Variants in FGD4 observed in about 807,000 individuals in gnomAD.
FGD4 encodes FYVE, RhoGEF and PH domain-containing protein 4.
FGD4 carries 42 observed loss-of-function variants against 102.0 expected under a neutral mutation model. The observed-to-expected ratio is 0.41, with a 90% CI of 0.32 to 0.53. The LOEUF (loss-of-function observed/expected upper bound fraction) is 0.53, where lower values mean the gene tolerates loss of function less well. Ranked by LOEUF, FGD4 falls within the 20% of genes least tolerant of loss-of-function variation. FGD4 has a pLI of 0.21. For synonymous variants in FGD4, 380 were observed against 375.7 expected (o/e 1.01, Z -0.13); for missense variants, 902 against 1,078.2 (o/e 0.84, Z 2.29).
chr12:32,523,959 C>T (rs1940830119), intron 1 of FGD4, among the ~76,000 whole-genome samples: 1 of 152,062 alleles, frequency 6.6e-6, no homozygotes, highest in African/African-American at 2.4e-5. Flanking sequence ...GCCTGGGCGA[C>T]AGAGCAAGAC....
intron 14 of FGD4, among the ~76,000 whole-genome samples, chr12:32,633,253 A>T (rs1324693538): frequency 6.6e-6 from 1 of 152,022 alleles, no homozygotes; most frequent in African/African-American, 2.4e-5. Context: ...GAGACCAGGG[A>T]AGTTCGTGAG....
At chr12:32,618,086 T>C (rs1387135293) in intron 10 of FGD4, among the ~76,000 whole-genome samples, 2 of 152,224 alleles carry the variant, frequency 1.3e-5, no homozygotes, top group East Asian at 3.8e-4. Flanking sequence ...CATGTGAGCG[T>C]AACTACAAAT....
intron 1 of FGD4, among the ~76,000 whole-genome samples, chr12:32,493,367 G>A (rs1437593196): frequency 1.3e-5 from 2 of 152,146 alleles, no homozygotes; most frequent in Non-Finnish European, 1.5e-5. Context: ...AGGCTGTCAC[G>A]CCACTTTCCT....
chr12:32,465,676 A>AAG (rs1371669606), intron 1 of FGD4, among the ~76,000 whole-genome samples: 1 of 152,160 alleles, frequency 6.6e-6, no homozygotes, highest in East Asian at 1.9e-4. Context: ...TAAAAAAAAA[A>AAG]AAAATCAAAG....
intron 1 of FGD4, among the ~76,000 whole-genome samples, chr12:32,469,213 C>T (rs1471412202): frequency 6.6e-6 from 1 of 152,112 alleles, no homozygotes; most frequent in Non-Finnish European, 1.5e-5. Context: ...ATTTATTCAA[C>T]TTGTTTTTTT....
intron 1 of FGD4, among the ~76,000 whole-genome samples, chr12:32,483,132 G>C (rs1223271819): frequency 6.6e-6 from 1 of 152,202 alleles, no homozygotes; most frequent in Non-Finnish European, 1.5e-5. Flanking sequence ...TTGTGTGTGT[G>C]TGTGGGTAGA....
chr12:32,587,635 C>T (rs982050979), intron 4 of FGD4, among the ~76,000 whole-genome samples: 3 of 152,120 alleles, frequency 2.0e-5, no homozygotes, highest in Admixed American at 1.3e-4. Context: ...AAGTGATCCA[C>T]CCGCCTCAGC....
chr12:32,500,257 C>T (rs1027409119), intron 1 of FGD4, among the ~76,000 whole-genome samples: 4 of 151,956 alleles, frequency 2.6e-5, no homozygotes, highest in Non-Finnish European at 4.4e-5. Context: ...CTTCATAGGC[C>T]CTGTGAGGTT....
At chr12:32,594,018 G>A (rs971748420) in intron 4 of FGD4, among the ~76,000 whole-genome samples, 3 of 152,092 alleles carry the variant, frequency 2.0e-5, no homozygotes, top group Non-Finnish European at 4.4e-5. Flanking sequence ...GCATAGAGGG[G>A]GTTGATTACA....
chr12:32,624,382 T>TCACCC, intron 11 of FGD4, 40 bp from the exon 12 acceptor site: 1 of 1,457,414 alleles, frequency 6.9e-7, no homozygotes, highest in Admixed American at 1.7e-5. Flanking sequence ...TGTGAATCAT[T>TCACCC]AATATTATTT....
intron 1 of FGD4, among the ~76,000 whole-genome samples, chr12:32,528,698 A>G (rs1941504898): frequency 6.6e-6 from 1 of 152,180 alleles, no homozygotes; most frequent in South Asian, 2.1e-4. Flanking sequence ...CCCTTCTCTT[A>G]TACTTTAAAT....
chr12:32,513,804 A>G (rs1405536436), intron 1 of FGD4, among the ~76,000 whole-genome samples: 1 of 152,228 alleles, frequency 6.6e-6, no homozygotes, highest in Non-Finnish European at 1.5e-5. Context: ...TGAGGGAAGC[A>G]GACTTGGATC....
intron 11 of FGD4, among the ~76,000 whole-genome samples, chr12:32,620,194 A>T (rs12300666): frequency 0.15 from 22,810 of 152,116 alleles, 1,937 homozygotes; most frequent in Middle Eastern, 0.26. Context: ...TCCTAATCCT[A>T]TGTTCACTCC....
chr12:32,612,790 T>TAC (rs1949227776), intron 10 of FGD4, among the ~76,000 whole-genome samples: 1 of 152,148 alleles, frequency 6.6e-6, no homozygotes, highest in Non-Finnish European at 1.5e-5. Flanking sequence ...ATGGGAAAAG[T>TAC]ACATGAGTTC....
intron 1 of FGD4, among the ~76,000 whole-genome samples, chr12:32,508,108 GTA>G (rs1938973561): frequency 6.6e-6 from 1 of 152,174 alleles, no homozygotes; most frequent in South Asian, 2.1e-4. Flanking sequence ...GGGATGAAGG[GTA>G]CAGAGGGGAG....
In FGD4 at chr12:32,572,877, G is replaced by A. The variant is rs144889762; in HGVS notation, c.320-3389G>A. Among the ~76,000 whole-genome samples the A allele has an allele frequency of 1.1e-4, 17 of 152,254 alleles. No homozygotes were observed. In the East Asian group the frequency reaches 3.1e-3, roughly 28 times the overall value. On this transcript the variant is annotated intron_variant, in intron 2 of 16. Coordinates refer to ENST00000534526, the MANE Select transcript of FGD4 (RefSeq NM_001370298.3). Reference sequence around the variant, plus strand: ...TCCAGCTGGACCTATCAATTAAACTGACATAACAACAGATTAGCAGAACAA... The same window carrying A: ...TCCAGCTGGACCTATCAATTAAACTAACATAACAACAGATTAGCAGAACAA...
At chr12:32,635,932 A>G in intron 15 of FGD4, among the ~76,000 whole-genome samples, 1 of 151,934 alleles carries the variant, frequency 6.6e-6, no homozygotes, top group Non-Finnish European at 1.5e-5. Flanking sequence ...GAATCACTTG[A>G]ACCTGGGAGA....
chr12:32,527,202 A>G (rs2136796458), intron 1 of FGD4, among the ~76,000 whole-genome samples: 1 of 152,320 alleles, frequency 6.6e-6, no homozygotes, highest in Admixed American at 6.5e-5. Flanking sequence ...TAATAAAATT[A>G]TGTTTGTTAA....
At chr12:32,526,629 T>C (rs1272152534) in intron 1 of FGD4, among the ~76,000 whole-genome samples, 3 of 152,236 alleles carry the variant, frequency 2.0e-5, no homozygotes, top group Non-Finnish European at 4.4e-5. Flanking sequence ...ATTGGCAACC[T>C]GCTCAGGTCC....
Sources: allele counts gnomAD v4.1 joint callset (sites outside exome capture counted in the v4.1 genomes callset), GRCh38; gene constraint gnomAD v4.1.1; transcripts MANE v1.5; gene names NCBI Gene and HGNC (gene_info 2026-07-23, HGNC 2026-07-21).